Variants in BPHL observed in about 807,000 individuals in gnomAD.
The protein encoded by BPHL is serine hydrolase BPHL.
BPHL carries 27 observed loss-of-function variants against 31.2 expected under a neutral mutation model. The ratio of observed to expected loss-of-function variants is 0.87; its 90% CI spans 0.64 to 1.19. The LOEUF (loss-of-function observed/expected upper bound fraction) is 1.19, where lower values mean the gene tolerates loss of function less well. BPHL is among the 50% of genes most tolerant of loss of function. BPHL has a pLI of 0.00. For synonymous variants in BPHL, 150 were observed against 146.8 expected, an observed-to-expected ratio of 1.02 and a Z score of -0.16; for missense variants, 356 against 375.7, an observed-to-expected ratio of 0.95 and a Z score of 0.43.
intron 4 of BPHL, 76 bp from the exon 5 acceptor site, chr6:3,137,286 C>A: frequency 6.5e-7 from 1 of 1,542,868 alleles, no homozygotes; most frequent in South Asian, 1.2e-5. Context: ...TCAGAAGTGG[C>A]TCTTGCTCAG....
chr6:3,122,718 TG>T (rs1554119277), intron 1 of BPHL, among the ~76,000 whole-genome samples: 1 of 152,202 alleles, frequency 6.6e-6, no homozygotes, highest in Non-Finnish European at 1.5e-5. Flanking sequence ...TGGAGGCTTA[TG>T]GACAGGGCTA....
intron 4 of BPHL, 29 bp from the exon 5 acceptor site, chr6:3,137,333 C>G (rs766933234): frequency 6.8e-6 from 11 of 1,609,362 alleles, no homozygotes; most frequent in South Asian, 4.4e-5. Flanking sequence ...GAAATTAAAC[C>G]TTTCTTCGCC....
rs750580190 is a variant in BPHL, at chr6:3,152,614, G to T, written c.*39G>T. On this transcript the variant is annotated 3_prime_UTR_variant, in exon 7 of 7. Transcript: ENST00000380379. ...AGTCTTGGTGGTTCCTTCGTGTGGG[G>T]CTTGATCGTGTTGCTGCCTGTTAAC... 6.4e-6 allele frequency: 10 copies of T among 1,567,854 alleles called. No individual in the cohort carries two copies. The Admixed American group carries it at 1.6e-4, about 25-fold the overall frequency.
chr6:3,139,716 G>C (rs915040059), intron 5 of BPHL: 2 of 152,328 alleles, frequency 1.3e-5, no homozygotes, highest in Admixed American at 6.5e-5. Context: ...CCGGGGAACT[G>C]TGATTGTTCC....
At position 3,140,536 on chromosome 6, in the gene BPHL, C is replaced by T; in HGVS notation, c.788+27C>T. ...TAAGTCCTGTCACCGCCTTCACACT[C>T]CCCCCGAGAGCCTCGGAGTCAATGG... On this transcript the variant is annotated intron_variant, in intron 6 of 6. Coordinates refer to ENST00000380379, the MANE Select transcript of BPHL (RefSeq NM_004332.4). This position sits in a 1 kb window ranked among gnomAD's most constrained non-coding sequence, Gnocchi z 5.2. 1 of 1,608,944 alleles carries T rather than the reference C, an allele frequency of 6.2e-7. No individual in the cohort carries two copies. The highest frequency in any genetic ancestry group is 1.1e-5 in the South Asian group (1 of 90,770).
Position 3,140,311 on chromosome 6 carries a change from T to C in BPHL, c.665-75T>C. On this transcript the variant is annotated intron_variant, in intron 5 of 6. Transcript: ENST00000380379. The surrounding 1 kb of genome is among the most constrained non-coding windows in gnomAD (Gnocchi z 5.2). ...ACTGAGGGCCAAGGAGGGGCAGGGC[T>C]CGCCGAGTTTCGCCTCCTCTGACCG... is the stretch of plus-strand genomic sequence containing the variant. 6.4e-7 allele frequency: 1 copy of C among 1,570,702 alleles called. No homozygotes were observed. The highest frequency in any genetic ancestry group is 8.7e-7 in the Non-Finnish European group (1 of 1,152,126).
Position 3,127,285 on chromosome 6 carries a change from T to C in BPHL, c.255T>C (p.Asn85=). 1 of 1,598,588 alleles carries C rather than the reference T, an allele frequency of 6.3e-7. No individual in the cohort carries two copies. Among genetic ancestry groups the C allele is most frequent in the Non-Finnish European group, 8.5e-7 (1 of 1,170,758 alleles). Residue 85 remains asparagine (N), a synonymous_variant, in exon 3 of 7, where the codon AAT becomes AAC. Transcript: ENST00000380379. ...TDFGPQLKNL[N]KKLFTVVAWD... ...TTGGACCTCAGCTCAAGAACCTCAA[T>C]AAGAAGCTCTTCACGGTGGTCGCCT... is the stretch of plus-strand genomic sequence containing the variant.
In BPHL at chr6:3,152,754, C is replaced by T. The variant is rs1221493770; in HGVS notation, c.*179C>T. 1.3e-5 allele frequency: 7 copies of T among 536,028 alleles called. No individual in the cohort carries two copies. Among genetic ancestry groups the T allele is most frequent in the South Asian group, 5.2e-5 (2 of 38,748 alleles). 33.2% of individuals were successfully genotyped at this position (536,028 alleles called of 1,614,324 possible). A position where few individuals can be genotyped will look rare whatever the true frequency, so the allele number is the denominator to read the frequency against. Reference sequence around the variant, plus strand: ...ACAGCCTCTAGCTTCAGGCTGGGCACGGTGGCTCACAGCTATAATCTCAGC... The same window carrying T: ...ACAGCCTCTAGCTTCAGGCTGGGCATGGTGGCTCACAGCTATAATCTCAGC... On this transcript the variant is annotated 3_prime_UTR_variant, in exon 7 of 7. Coordinates refer to ENST00000380379, the MANE Select transcript of BPHL (RefSeq NM_004332.4).
chr6:3,138,236 C>T (rs759078724), intron 5 of BPHL: 16 of 286,998 alleles, frequency 5.6e-5, no homozygotes, highest in Middle Eastern at 1.3e-3. Flanking sequence ...GCCAGGATGG[C>T]CTTGATCTCC....
At chr6:3,125,972 T>A (rs1409591769) in intron 2 of BPHL, among the ~76,000 whole-genome samples, 3 of 152,228 alleles carry the variant, frequency 2.0e-5, no homozygotes. Flanking sequence ...TGGACTGGGC[T>A]CTGTGAGAGT....
chr6:3,131,480 A>G (rs2113756080), intron 4 of BPHL, among the ~76,000 whole-genome samples: 1 of 151,438 alleles, frequency 6.6e-6, no homozygotes, highest in Middle Eastern at 3.4e-3. Flanking sequence ...AGTTATCCTC[A>G]CCTCTCTTCT....
upstream of BPHL, chr6:3,118,477 C>G: frequency 3.0e-6 from 1 of 332,252 alleles, no homozygotes; most frequent in African/African-American, 2.1e-5. Context: ...GGACACTCAT[C>G]CCGGGAGCCA....
intron 6 of BPHL, among the ~76,000 whole-genome samples, chr6:3,144,471 G>A (rs182019419): frequency 3.4e-5 from 5 of 146,274 alleles, no homozygotes; most frequent in African/African-American, 1.3e-4. Flanking sequence ...TTGCAGCCTT[G>A]AACTCCTGGA....
At chr6:3,144,906 G>A (rs1762284270) in intron 6 of BPHL, among the ~76,000 whole-genome samples, 1 of 152,204 alleles carries the variant, frequency 6.6e-6, no homozygotes, top group East Asian at 1.9e-4. Flanking sequence ...CTGAGCCCAG[G>A]CCTGAGGGCC....
intron 2 of BPHL, among the ~76,000 whole-genome samples, chr6:3,125,432 C>A (rs1438444886): frequency 6.6e-6 from 1 of 152,116 alleles, no homozygotes; most frequent in African/African-American, 2.4e-5. Context: ...CCTGTCCTAT[C>A]CTCAGCACCC....
rs911015046 is a variant in BPHL, at chr6:3,134,728, G to A, written c.533-2634G>A. 3.3e-5 allele frequency among the ~76,000 whole-genome samples: 5 copies of A among 150,610 alleles called. No individual in the cohort carries two copies. In the South Asian group the frequency reaches 6.3e-4, roughly 19 times the overall value. ...CGCCATTCTCCTGCCTCAACCTCCC[G>A]AGTAGCTGGGAATACAGGCGCCTGC... is the stretch of plus-strand genomic sequence containing the variant. On this transcript the variant is annotated intron_variant, in intron 4 of 6. Coordinates refer to ENST00000380379, the MANE Select transcript of BPHL (RefSeq NM_004332.4).
intron 2 of BPHL, among the ~76,000 whole-genome samples, chr6:3,124,549 A>G (rs994668863): frequency 6.6e-6 from 1 of 151,638 alleles, no homozygotes; most frequent in African/African-American, 2.4e-5. Flanking sequence ...GTTTGCATGG[A>G]AGCTACGCAT....
At chr6:3,138,769 T>G (rs1323024278) in intron 5 of BPHL, 1 of 152,156 alleles carries the variant, frequency 6.6e-6, no homozygotes, top group African/African-American at 2.4e-5. Flanking sequence ...AGAGGGCACA[T>G]TTGTAAAATG....
rs781059403 is a variant in BPHL, at chr6:3,120,107, C to G, written c.107+1260C>G. On this transcript the variant is annotated intron_variant, in intron 1 of 6. Coordinates refer to ENST00000380379, the MANE Select transcript of BPHL (RefSeq NM_004332.4). ...TGGAGTGCAGTGTTGTGATCTCGCT[C>G]ACTGCAACCTCTGCCTCCCAGGTTT... is the stretch of plus-strand genomic sequence containing the variant. Among the ~76,000 whole-genome samples, 13 of 152,046 alleles carry G rather than the reference C, an allele frequency of 8.6e-5. No homozygotes were observed. The East Asian group carries it at 9.6e-4, about 11-fold the overall frequency.
Sources: allele counts gnomAD v4.1 joint callset (sites outside exome capture counted in the v4.1 genomes callset), GRCh38; gene constraint gnomAD v4.1.1; non-coding constraint Gnocchi (gnomAD v3.1); transcripts MANE v1.5; gene names NCBI Gene and HGNC (gene_info 2026-07-23, HGNC 2026-07-21).